SH3BGR: variants seen among roughly 807,000 people sequenced by gnomAD.
The protein encoded by SH3BGR is SH3 domain binding glutamate rich protein.
A neutral mutation model predicts 24.5 loss-of-function variants in SH3BGR; 29 were observed. The ratio of observed to expected loss-of-function variants is 1.18; its 90% confidence interval spans 0.88 to 1.61. SH3BGR has a LOEUF of 1.61. Ranked by LOEUF, SH3BGR falls within the 40% of genes most tolerant of loss-of-function variation. SH3BGR has a pLI of 0.00. For synonymous variants in SH3BGR, 55 were observed against 65.7 expected, an observed-to-expected ratio of 0.84 and a Z score of 0.79; for missense variants, 162 against 205.8, an observed-to-expected ratio of 0.79 and a Z score of 1.30.
intron 1 of SH3BGR, among the ~76,000 whole-genome samples, chr21:39,461,760 G>T (rs137925650): frequency 6.6e-6 from 1 of 152,128 alleles, no homozygotes; most frequent in African/African-American, 2.4e-5. Flanking sequence ...AAGCTAGGTT[G>T]CAGTTCATTA....
chr21:39,476,888 TG>T (rs1238099659), intron 3 of SH3BGR, among the ~76,000 whole-genome samples: 1 of 152,192 alleles, frequency 6.6e-6, no homozygotes, highest in Admixed American at 6.5e-5. Context: ...TTTAACCTTT[TG>T]TAGGTCAAAT....
At chr21:39,470,447 A>G (rs1443954479) in intron 2 of SH3BGR, among the ~76,000 whole-genome samples, 9 of 152,032 alleles carry the variant, frequency 5.9e-5, no homozygotes, top group African/African-American at 2.2e-4. Context: ...TTTTTAGTAG[A>G]GATAGGGGTT....
At chr21:39,474,652 G>A (rs1189605109) in intron 2 of SH3BGR, among the ~76,000 whole-genome samples, 2 of 152,022 alleles carry the variant, frequency 1.3e-5, no homozygotes, top group Admixed American at 6.6e-5. Flanking sequence ...CAAAACAGTC[G>A]CCCTCTATGT....
chr21:39,499,354 TATCC>T (rs1302008525), intron 3 of SH3BGR, among the ~76,000 whole-genome samples: 6 of 151,844 alleles, frequency 4.0e-5, no homozygotes, highest in African/African-American at 1.5e-4. Flanking sequence ...CTCTGAACAT[TATCC>T]ATCCATCCAT....
At chr21:39,466,148 G>C (rs904187969) in intron 2 of SH3BGR, among the ~76,000 whole-genome samples, 3 of 152,160 alleles carry the variant, frequency 2.0e-5, no homozygotes, top group Non-Finnish European at 1.5e-5. Context: ...ATGCTCCTCT[G>C]TTGCAGTTGT....
At chr21:39,503,937 A>G (rs2078539441) in intron 4 of SH3BGR, among the ~76,000 whole-genome samples, 1 of 152,132 alleles carries the variant, frequency 6.6e-6, no homozygotes, top group Admixed American at 6.5e-5. Context: ...GGGGAGGGTG[A>G]GGGGCTAAGG....
chr21:39,498,768 A>G (rs1268481989), intron 3 of SH3BGR, among the ~76,000 whole-genome samples: 1 of 152,048 alleles, frequency 6.6e-6, no homozygotes, highest in Non-Finnish European at 1.5e-5. Context: ...CTCTCTATCC[A>G]TCCACCTGTC....
At chr21:39,487,825 A>G (rs1404520478) in intron 3 of SH3BGR, among the ~76,000 whole-genome samples, 1 of 152,242 alleles carries the variant, frequency 6.6e-6, no homozygotes, top group Non-Finnish European at 1.5e-5. Context: ...AAAATATTTA[A>G]GTAAGTGTGG....
rs558426454 is a variant in SH3BGR, at chr21:39,513,068, G to A, written c.*34+1259G>A. ...TTATGCCTCCACTGAAAATTAAGACGGCTTTTTGGGCTGTTACTCTCAGGA... is the reference window on the plus strand; with the variant it reads ...TTATGCCTCCACTGAAAATTAAGACAGCTTTTTGGGCTGTTACTCTCAGGA... On this transcript the variant is annotated intron_variant, in intron 6 of 6. Coordinates refer to ENST00000333634, the MANE Select transcript of SH3BGR (RefSeq NM_007341.3). 4.6e-5 allele frequency among the ~76,000 whole-genome samples: 7 copies of A among 152,072 alleles called. No individual in the cohort carries two copies. In the East Asian group the frequency reaches 5.8e-4, roughly 13 times the overall value.
rs141787015 is a variant in SH3BGR at position 39,487,168 on chromosome 21, G to T, written c.312+11953G>T. The stretch of plus-strand genomic sequence containing the variant: ...TTTTTGTTTCTGTTTTTTGAGGCAG[G>T]TTCTTGCTCTGTCTCCCAGGCTGGA... On this transcript the variant is annotated intron_variant, in intron 3 of 6. Transcript: ENST00000333634. Among the ~76,000 whole-genome samples the T allele has an allele frequency of 2.4e-3, 364 of 150,626 alleles. 5 individuals are homozygous for T. The highest frequency in any genetic ancestry group is 0.018 in the East Asian group (92 of 4,998).
At chr21:39,472,324 G>C (rs1485187351) in intron 2 of SH3BGR, among the ~76,000 whole-genome samples, 1 of 152,122 alleles carries the variant, frequency 6.6e-6, no homozygotes, top group East Asian at 1.9e-4. Flanking sequence ...GAAAGGGAGA[G>C]CCCAAACTCA....
intron 3 of SH3BGR, chr21:39,488,541 A>C (rs2078246997): frequency 2.7e-6 from 1 of 367,180 alleles, no homozygotes; most frequent in African/African-American, 2.1e-5. Flanking sequence ...CTTCCTGCCC[A>C]TGCTGCAGAC....
chr21:39,462,346 C>T (rs1045153169), intron 1 of SH3BGR, 29 bp from the exon 2 acceptor site: 1 of 1,528,328 alleles, frequency 6.5e-7, no homozygotes, highest in African/African-American at 1.4e-5. Context: ...TTTTCATAAA[C>T]AGCCTAATAT....
At chr21:39,490,934 G>A (rs956503425) in intron 3 of SH3BGR, among the ~76,000 whole-genome samples, 1 of 151,848 alleles carries the variant, frequency 6.6e-6, no homozygotes, top group African/African-American at 2.4e-5. Context: ...GGTCCTACTA[G>A]TTGCCCAGGC....
rs1602194801 is a variant in SH3BGR at position 39,515,388 on chromosome 21, CTG to C, written c.*338_*339del. The stretch of plus-strand genomic sequence containing the variant: ...AATGATTTCAAGGCATGGAAGTTCT[CTG>C]TGATACAACAATAGTATTTCTTCAA... On this transcript the variant is annotated 3_prime_UTR_variant, in exon 7 of 7. Coordinates refer to ENST00000333634, the MANE Select transcript of SH3BGR (RefSeq NM_007341.3). 1.2e-5 allele frequency: 2 copies of C among 169,410 alleles called. No homozygotes were observed. The highest frequency in any genetic ancestry group is 3.5e-4 in the East Asian group (2 of 5,774). 10.5% of individuals were successfully genotyped at this position (169,410 alleles called of 1,614,324 possible).
intron 3 of SH3BGR, among the ~76,000 whole-genome samples, chr21:39,476,889 G>A (rs890104976): frequency 6.6e-6 from 1 of 152,010 alleles, no homozygotes; most frequent in Admixed American, 6.6e-5. Flanking sequence ...TTAACCTTTT[G>A]TAGGTCAAAT....
chr21:39,490,664 G>A, intron 3 of SH3BGR, among the ~76,000 whole-genome samples: 1 of 151,418 alleles, frequency 6.6e-6, no homozygotes, highest in East Asian at 1.9e-4. Context: ...TTTTTCCATC[G>A]ATTTCCTTTC....
chr21:39,510,168 T>C (rs1216733389), intron 5 of SH3BGR, among the ~76,000 whole-genome samples: 1 of 126,332 alleles, frequency 7.9e-6, no homozygotes, highest in Non-Finnish European at 1.7e-5. Flanking sequence ...GGTCTCGATC[T>C]CCTGACCTTG....
chr21:39,498,717 C>T (rs1311202139), intron 3 of SH3BGR, among the ~76,000 whole-genome samples: 1 of 152,142 alleles, frequency 6.6e-6, no homozygotes, highest in African/African-American at 2.4e-5. Flanking sequence ...CGTCCCCATG[C>T]CCGTTTCCTC....
Sources: gnomAD v4.1 joint callset for allele counts (sites outside exome capture counted in the v4.1 genomes callset) on GRCh38, gnomAD v4.1.1 for gene constraint, MANE v1.5 for transcripts, NCBI Gene and HGNC (gene_info 2026-07-23, HGNC 2026-07-21) for gene names.